The following FUT9 variants were observed in gnomAD, a reference collection of about 807,000 sequenced individuals.
FUT9 encodes fucosyltransferase 9, also known as 4-galactosyl-N-acetylglucosaminide 3-alpha-L-fucosyltransferase 9.
In FUT9, 15 loss-of-function variants were observed where a neutral mutation model predicts 29.7. The ratio of observed to expected loss-of-function variants is 0.51; its 90% confidence interval spans 0.34 to 0.78. The LOEUF (loss-of-function observed/expected upper bound fraction) is 0.78, where lower values mean the gene tolerates loss of function less well. FUT9 is among the 30% of genes least tolerant of loss of function. FUT9 has a pLI of 0.01. For missense variants in FUT9, 319 were observed against 425.4 expected, an observed-to-expected ratio of 0.75 and a Z score of 2.20; for synonymous variants, 169 against 153.7, an observed-to-expected ratio of 1.10 and a Z score of -0.74.
chr6:96,036,857 A>C (rs2127930073), intron 1 of FUT9: 1 of 152,052 alleles, frequency 6.6e-6, no homozygotes, highest in African/African-American at 2.4e-5. Context: ...TGCTTCTCAA[A>C]CCTTACAGTC....
intron 2 of FUT9, among the ~76,000 whole-genome samples, chr6:96,118,347 T>C (rs1300521955): frequency 6.6e-6 from 1 of 152,030 alleles, no homozygotes; most frequent in Admixed American, 6.5e-5. Context: ...AATATAGTCA[T>C]GCACTGCATA....
At chr6:96,055,573 T>G (rs1490501502) in intron 1 of FUT9, among the ~76,000 whole-genome samples, 1 of 152,020 alleles carries the variant, frequency 6.6e-6, no homozygotes, top group Non-Finnish European at 1.5e-5. Context: ...TGTGCAGGCT[T>G]GTTACCTAGG....
intron 1 of FUT9, among the ~76,000 whole-genome samples, chr6:96,080,834 T>C (rs954716631): frequency 1.3e-5 from 2 of 152,002 alleles, no homozygotes; most frequent in African/African-American, 4.8e-5. Flanking sequence ...TGGGTATGTC[T>C]ATTATACATC....
intron 1 of FUT9, among the ~76,000 whole-genome samples, chr6:96,069,062 A>C (rs1331519112): frequency 6.6e-6 from 1 of 152,264 alleles, no homozygotes; most frequent in Admixed American, 6.5e-5. Context: ...TACGCCTGTC[A>C]TTCCAGCACT....
At chr6:96,126,139 T>G (rs1772130031) in intron 2 of FUT9, among the ~76,000 whole-genome samples, 2 of 152,198 alleles carry the variant, frequency 1.3e-5, no homozygotes, top group African/African-American at 4.8e-5. Flanking sequence ...TTCATTAGTC[T>G]GTTTTACATT....
At chr6:96,049,797 T>C (rs1303454175) in intron 1 of FUT9, among the ~76,000 whole-genome samples, 1 of 152,142 alleles carries the variant, frequency 6.6e-6, no homozygotes, top group Non-Finnish European at 1.5e-5. Context: ...GAACAAGAAA[T>C]TTGGAATAAT....
intron 1 of FUT9, among the ~76,000 whole-genome samples, chr6:96,034,190 T>G (rs1770313947): frequency 6.6e-6 from 1 of 151,572 alleles, no homozygotes; most frequent in Non-Finnish European, 1.5e-5. Flanking sequence ...ACCCTTCTGA[T>G]GAAGCAGGCA....
At chr6:96,068,762 C>T (rs1171081697) in intron 1 of FUT9, among the ~76,000 whole-genome samples, 1 of 152,022 alleles carries the variant, frequency 6.6e-6, no homozygotes, top group Non-Finnish European at 1.5e-5. Context: ...AGTTATATGC[C>T]ACCTAAACTT....
At chr6:96,025,345 G>C (rs1035955824) in intron 1 of FUT9, among the ~76,000 whole-genome samples, 1 of 151,670 alleles carries the variant, frequency 6.6e-6, no homozygotes, top group Non-Finnish European at 1.5e-5. Flanking sequence ...TATTTAGCTT[G>C]CAATGACCTC....
At chr6:96,016,878 G>GA (rs1373772281) in intron 1 of FUT9, among the ~76,000 whole-genome samples, 2 of 152,138 alleles carry the variant, frequency 1.3e-5, no homozygotes, top group Non-Finnish European at 1.5e-5. Flanking sequence ...TATCAAGCGT[G>GA]AAAAAATAAA....
chr6:96,033,931 T>C (rs1017913426), intron 1 of FUT9, among the ~76,000 whole-genome samples: 11 of 150,918 alleles, frequency 7.3e-5, no homozygotes, highest in African/African-American at 2.4e-4. Context: ...CACATATTCA[T>C]CCTAAACTTA....
At chr6:96,082,966 A>T (rs970130430) in intron 1 of FUT9, among the ~76,000 whole-genome samples, 3 of 151,974 alleles carry the variant, frequency 2.0e-5, no homozygotes, top group Non-Finnish European at 2.9e-5. Context: ...TTCATTTAGA[A>T]ATGAGAGTTC....
intron 2 of FUT9, among the ~76,000 whole-genome samples, chr6:96,176,610 T>C (rs1773209389): frequency 6.6e-6 from 1 of 152,186 alleles, no homozygotes; most frequent in African/African-American, 2.4e-5. Flanking sequence ...TTTTGCTTTT[T>C]CATTCGCCCA....
chr6:96,106,725 G>T (rs928329004), intron 1 of FUT9, among the ~76,000 whole-genome samples: 2 of 152,188 alleles, frequency 1.3e-5, no homozygotes, highest in Non-Finnish European at 2.9e-5. Context: ...TGACTGGTCT[G>T]TCTCTCCCAG....
At chr6:96,201,667 C>G (rs1773728086) in intron 2 of FUT9, among the ~76,000 whole-genome samples, 1 of 151,942 alleles carries the variant, frequency 6.6e-6, no homozygotes, top group Non-Finnish European at 1.5e-5. Context: ...CTTCATAATT[C>G]TTTCCTGATT....
chr6:96,031,331 C>T (rs1457315381), intron 1 of FUT9, among the ~76,000 whole-genome samples: 1 of 151,454 alleles, frequency 6.6e-6, no homozygotes, highest in Non-Finnish European at 1.5e-5. Context: ...TAAATCCAAT[C>T]ATCTTAATCT....
chr6:96,055,880 A>G (rs1770757918), intron 1 of FUT9, among the ~76,000 whole-genome samples: 1 of 151,484 alleles, frequency 6.6e-6, no homozygotes, highest in Non-Finnish European at 1.5e-5. Flanking sequence ...TTACCACTCT[A>G]TTACATAAAG....
At chr6:96,053,059 A>G (rs1770701559) in intron 1 of FUT9, among the ~76,000 whole-genome samples, 1 of 152,138 alleles carries the variant, frequency 6.6e-6, no homozygotes, top group Admixed American at 6.5e-5. Context: ...TTTTAAAATT[A>G]TTTTTAATGC....
chr6:96,156,126 C>T (rs1772780257), intron 2 of FUT9, among the ~76,000 whole-genome samples: 1 of 152,170 alleles, frequency 6.6e-6, no homozygotes, highest in Admixed American at 6.5e-5. Context: ...TTTCTCTTCA[C>T]CAGTGAAGTC....
Sources: allele counts gnomAD v4.1 joint callset (sites outside exome capture counted in the v4.1 genomes callset), GRCh38; gene constraint gnomAD v4.1.1; transcripts MANE v1.5; gene names NCBI Gene and HGNC (gene_info 2026-07-23, HGNC 2026-07-21).